The following TTC28 variants were observed in gnomAD, a reference collection of about 807,000 sequenced individuals.
TTC28 encodes the protein tetratricopeptide repeat domain 28.
TTC28 carries 61 observed loss-of-function variants against 198.0 expected under a neutral mutation model. That is an observed-to-expected ratio of 0.31 (90% CI 0.25 to 0.38). TTC28 has a LOEUF of 0.38. Among genes scored for constraint, TTC28 ranks in the 10% least tolerant of loss-of-function variants. The probability of loss-of-function intolerance (pLI) is 1.00; values close to 1 mark genes in which losing one functional copy is unlikely to be tolerated. For synonymous variants in TTC28, 1,171 were observed against 1,297.8 expected (o/e 0.90, Z 2.10); for missense variants, 2,678 against 3,164.0 (o/e 0.85, Z 3.69).
At chr22:28,602,788 TAAG>T (rs554119851) in intron 2 of TTC28, among the ~76,000 whole-genome samples, 106 of 152,306 alleles carry the variant, frequency 7.0e-4, no homozygotes, top group African/African-American at 2.5e-3. Context: ...TATTTCAAAA[TAAG>T]AAGGTAAAAA....
Position 28,087,721 on chromosome 22 carries a change from C to T in TTC28, c.3932+6359G>A, listed in dbSNP as rs113547449. Among the ~76,000 whole-genome samples the T allele has an allele frequency of 2.6e-4, 40 of 152,162 alleles. 1 individual carries two copies. The highest frequency in any genetic ancestry group is 4.2e-4 in the South Asian group (2 of 4,814). ...CAATTAGGAAAAGAGGAAGTCAAAT[C>T]GTCCCTGTTTGCAGATGACATGATT... On this transcript the variant is annotated intron_variant, in intron 12 of 22. Transcript: ENST00000397906.
At chr22:28,473,384 T>C (rs2048122845) in intron 2 of TTC28, among the ~76,000 whole-genome samples, 1 of 152,046 alleles carries the variant, frequency 6.6e-6, no homozygotes, top group Non-Finnish European at 1.5e-5. Context: ...GGGACCAGAT[T>C]GAGGACTAGC....
At chr22:28,674,240 TTC>T (rs2051939164) in intron 1 of TTC28, among the ~76,000 whole-genome samples, 1 of 151,106 alleles carries the variant, frequency 6.6e-6, no homozygotes, top group Non-Finnish European at 1.5e-5. Context: ...GGCTTGGGGT[TTC>T]TGTTTGTGGT....
At chr22:28,428,529 T>C (rs2047383358) in intron 2 of TTC28, among the ~76,000 whole-genome samples, 1 of 152,214 alleles carries the variant, frequency 6.6e-6, no homozygotes, top group African/African-American at 2.4e-5. Context: ...ACTTCTTGTC[T>C]AGACTGTAAG....
At chr22:28,346,938 G>A (rs922953372) in intron 2 of TTC28, among the ~76,000 whole-genome samples, 11 of 152,108 alleles carry the variant, frequency 7.2e-5, no homozygotes, top group Admixed American at 7.2e-4. Context: ...TCAGTGAGGA[G>A]ATCAGGGTAG....
intron 2 of TTC28, among the ~76,000 whole-genome samples, chr22:28,499,803 T>C (rs920609669): frequency 6.6e-6 from 1 of 152,156 alleles, no homozygotes; most frequent in Non-Finnish European, 1.5e-5. Flanking sequence ...TTTGTAGAGT[T>C]TTTAAAATTG....
chr22:28,420,668 C>G (rs1030703510), intron 2 of TTC28, among the ~76,000 whole-genome samples: 1 of 151,752 alleles, frequency 6.6e-6, no homozygotes, highest in Admixed American at 6.6e-5. Flanking sequence ...CACGCAATCT[C>G]AGCTCACTGC....
chr22:28,508,474 G>A (rs902919404), intron 2 of TTC28, among the ~76,000 whole-genome samples: 25 of 152,048 alleles, frequency 1.6e-4, no homozygotes, highest in African/African-American at 4.3e-4. Context: ...TAGTAGAGAC[G>A]GGGTTTCACC....
At chr22:28,300,818 A>G (rs2045005396) in intron 3 of TTC28, among the ~76,000 whole-genome samples, 1 of 152,238 alleles carries the variant, frequency 6.6e-6, no homozygotes, top group South Asian at 2.1e-4. Flanking sequence ...ATTGCTGAAT[A>G]GGCCAGCTTG....
chr22:28,244,809 C>T (rs1929962709), intron 5 of TTC28, among the ~76,000 whole-genome samples: 1 of 152,066 alleles, frequency 6.6e-6, no homozygotes, highest in Non-Finnish European at 1.5e-5. Context: ...ACCGTGCAAG[C>T]AAGAAGAAAA....
intron 1 of TTC28, among the ~76,000 whole-genome samples, chr22:28,646,110 T>C (rs558175866): frequency 1.3e-3 from 202 of 151,752 alleles, no homozygotes; most frequent in Non-Finnish European, 1.1e-3. Flanking sequence ...GGCATCCAAG[T>C]AGGAAGGGAG....
At chr22:28,488,459 C>T (rs1474941704) in intron 2 of TTC28, among the ~76,000 whole-genome samples, 2 of 152,156 alleles carry the variant, frequency 1.3e-5, no homozygotes, top group East Asian at 1.9e-4. Flanking sequence ...TACAGTAAGA[C>T]ATGCTGAAAC....
At chr22:28,507,042 G>A (rs554585769) in intron 2 of TTC28, among the ~76,000 whole-genome samples, 7 of 152,196 alleles carry the variant, frequency 4.6e-5, no homozygotes, top group Non-Finnish European at 1.0e-4. Context: ...CAAGGGCACA[G>A]AACTGGGGTG....
rs151258536 is a variant in TTC28 at position 28,107,592 on chromosome 22, T to C, written c.2253A>G (p.Arg751=). Residue 751 remains arginine, a synonymous_variant, in exon 7 of 23, where the codon AGA becomes AGG. Coordinates refer to ENST00000397906, the MANE Select transcript of TTC28 (RefSeq NM_001145418.2). The part of the protein sequence containing the change: ...LGLAHQVKDR[R]LEASAYAALG... ...GGGCTGCATATGCACTGGCTTCTAA[T>C]CTTCTGTCCTTTACCTGGTGAGCTA... is the stretch of plus-strand genomic sequence containing the variant. The C allele has an allele frequency of 7.7e-3, 11,958 of 1,551,772 alleles. 56 individuals are homozygous for C. Among genetic ancestry groups the C allele is most frequent in the Middle Eastern group, 9.7e-3 (58 of 5,992 alleles).
At chr22:27,995,981 C>T (rs560310013) in intron 17 of TTC28, among the ~76,000 whole-genome samples, 154 bp downstream of exon 17, 3 of 152,300 alleles carry the variant, frequency 2.0e-5, no homozygotes, top group East Asian at 3.9e-4. Flanking sequence ...ATCCCAGGGA[C>T]GTCTGTGGAA....
Position 28,014,370 on chromosome 22 carries a change from G to A in TTC28, c.4096C>T (p.Leu1366=). 1 of 1,551,098 alleles carries A rather than the reference G, an allele frequency of 6.4e-7. No homozygotes were observed. The change falls in exon 14 of 23, where the codon CTG becomes TTG. Residue 1366 remains leucine (L), a synonymous_variant. Coordinates refer to ENST00000397906, the MANE Select transcript of TTC28 (RefSeq NM_001145418.2). The part of the protein sequence containing the change: ...FNRSCQSMTS[L]FSNTVSPTQD... The stretch of plus-strand genomic sequence containing the variant: ...GTCGGTGACACAGTGTTACTGAACA[G>A]GCTCGTCATGCTCTGGCAGCTCCTG...
chr22:28,489,941 C>A (rs1601462080), intron 2 of TTC28, among the ~76,000 whole-genome samples: 1 of 152,116 alleles, frequency 6.6e-6, no homozygotes, highest in South Asian at 2.1e-4. Flanking sequence ...AGCTAAGGAG[C>A]CAGAGAGCCA....
At chr22:28,411,640 T>C (rs1490661278) in intron 2 of TTC28, among the ~76,000 whole-genome samples, 1 of 152,208 alleles carries the variant, frequency 6.6e-6, no homozygotes, top group African/African-American at 2.4e-5. Flanking sequence ...ACAGCAACAG[T>C]TACAATGTCA....
At chr22:28,509,711 G>A (rs909605301) in intron 2 of TTC28, among the ~76,000 whole-genome samples, 7 of 151,290 alleles carry the variant, frequency 4.6e-5, no homozygotes, top group East Asian at 1.9e-4. Flanking sequence ...ATGGAGACAC[G>A]AAAAGCCCTT....
Sources: allele counts gnomAD v4.1 joint callset (sites outside exome capture counted in the v4.1 genomes callset), GRCh38; gene constraint gnomAD v4.1.1; transcripts MANE v1.5; gene names NCBI Gene and HGNC (gene_info 2026-07-23, HGNC 2026-07-21).